ZCWPW1: variants seen among roughly 807,000 people sequenced by gnomAD.
ZCWPW1 encodes the protein zinc finger CW-type PWWP domain protein 1.
In ZCWPW1, 56 loss-of-function variants were observed where a neutral mutation model predicts 81.3. The observed-to-expected ratio is 0.69, with a 90% CI of 0.56 to 0.86. The LOEUF (loss-of-function observed/expected upper bound fraction) is 0.86, where lower values mean the gene tolerates loss of function less well. Among genes scored for constraint, ZCWPW1 ranks in the 40% least tolerant of loss-of-function variants. ZCWPW1 has a pLI of 0.00. For missense variants in ZCWPW1, 650 were observed against 769.8 expected, an observed-to-expected ratio of 0.84 and a Z score of 1.84; for synonymous variants, 250 against 273.7, an observed-to-expected ratio of 0.91 and a Z score of 0.86.
At chr7:100,403,812 TA>T in intron 14 of ZCWPW1, 27 bp from the exon 15 acceptor site, 1 of 1,591,972 alleles carries the variant, frequency 6.3e-7, no homozygotes, top group African/African-American at 1.3e-5. Flanking sequence ...AAGGAAAGGC[TA>T]AATCATTCAT....
rs1793091168 is a variant in ZCWPW1 at position 100,406,753 on chromosome 7, A to C, written c.1114T>G (p.Trp372Gly). 1 of 1,614,050 alleles carries C rather than the reference A, an allele frequency of 6.2e-7. No homozygotes were observed. The highest frequency in any genetic ancestry group is 8.5e-7 in the Non-Finnish European group (1 of 1,180,034). ...TFFGETVSRA[W>G]IPVNMLKNFQ... ...TTCTTTAGCATGTTGACTGGGATCCATGCACGAGAAACTGTTTCTCCAAAA... is the reference window on the plus strand; with the variant it reads ...TTCTTTAGCATGTTGACTGGGATCCCTGCACGAGAAACTGTTTCTCCAAAA... Residue 372 changes from tryptophan (W) to glycine (G), a missense_variant, in exon 12 of 18, where the codon TGG becomes GGG. Trp to Gly is a radical substitution (Grantham distance 184, BLOSUM62 -2). Transcript: ENST00000684423.
chr7:100,407,431 C>T lies in ZCWPW1; in HGVS notation c.993-128G>A, dbSNP rs1486301927. 6.3e-6 allele frequency: 5 copies of T among 799,752 alleles called. No homozygotes were observed. In the East Asian group the frequency reaches 1.4e-4, roughly 22 times the overall value. 49.5% of individuals were successfully genotyped at this position (799,752 alleles called of 1,614,324 possible). A position where few individuals can be genotyped will look rare whatever the true frequency, so the allele number is the denominator to read the frequency against. On this transcript the variant is annotated intron_variant, in intron 10 of 17. Coordinates refer to ENST00000684423, the MANE Select transcript of ZCWPW1 (RefSeq NM_001386010.1). The stretch of plus-strand genomic sequence containing the variant: ...TTTCTGAGACAAGGTCTCACTCTGT[C>T]ACCCAGGCTGGAGTGCAGTGTTACA...
chr7:100,418,236 A>C (rs1201087503), intron 5 of ZCWPW1, among the ~76,000 whole-genome samples: 1 of 152,140 alleles, frequency 6.6e-6, no homozygotes, highest in Non-Finnish European at 1.5e-5. Context: ...CACATGCAAA[A>C]TCGGTATTAG....
intron 3 of ZCWPW1, 83 bp downstream of exon 3, chr7:100,420,539 T>C: frequency 1.9e-6 from 3 of 1,548,654 alleles, no homozygotes; most frequent in Non-Finnish European, 2.7e-6. Flanking sequence ...TAGGGACCCG[T>C]ACCATCCTTT....
intron 3 of ZCWPW1, 119 bp from the exon 4 acceptor site, chr7:100,420,002 A>G: frequency 1.2e-6 from 1 of 834,818 alleles, no homozygotes; most frequent in Non-Finnish European, 1.8e-6. Context: ...ACAAATTCAG[A>G]TTCCTGGGTC....
intron 1 of ZCWPW1, among the ~76,000 whole-genome samples, chr7:100,427,380 C>T (rs372884994): frequency 1.8e-4 from 27 of 149,758 alleles, no homozygotes; most frequent in African/African-American, 5.9e-4. Context: ...CTGGCCAATA[C>T]GGTGAAACCC....
In ZCWPW1 at chr7:100,402,612, A is replaced by T. The variant is rs1792155878; in HGVS notation, c.1414-36T>A. On this transcript the variant is annotated intron_variant, in intron 15 of 17. Transcript: ENST00000684423. ...GAGAGAAAGTTTAAAAAAATGATAA[A>T]TCAAGGCCCCTAACTGTTTTTAATA... 5 of 1,598,710 alleles carry T rather than the reference A, an allele frequency of 3.1e-6. No individual in the cohort carries two copies. The Admixed American group carries it at 6.7e-5, about 21-fold the overall frequency.
Position 100,400,946 on chromosome 7 carries a change from A to G in ZCWPW1, c.*68T>C. 1 of 1,480,540 alleles carries G rather than the reference A, an allele frequency of 6.8e-7. No homozygotes were observed. Among genetic ancestry groups the G allele is most frequent in the South Asian group, 1.3e-5 (1 of 75,018 alleles). The allele number at this position is 1,480,540 out of a possible 1,614,324, so 91.7% of individuals were successfully genotyped here. ...AACCTCATAGCCAATGAACAGACCC[A>G]GCACTTAGCAACTTCTCCCTCCTGC... On this transcript the variant is annotated 3_prime_UTR_variant, in exon 18 of 18. Coordinates refer to ENST00000684423, the MANE Select transcript of ZCWPW1 (RefSeq NM_001386010.1).
At chr7:100,411,773 C>G (rs1406290460) in intron 8 of ZCWPW1, among the ~76,000 whole-genome samples, 1 of 151,876 alleles carries the variant, frequency 6.6e-6, no homozygotes, top group African/African-American at 2.4e-5. Flanking sequence ...AGTGAGTACT[C>G]ATAAGAAAAT....
chr7:100,401,877 C>T lies in ZCWPW1; in HGVS notation c.1627+12G>A. ...TCATTCCCCTTAGTTTTTCCCAGGC[C>T]TTGAGCCTTACCTGGCTGGTCAGAA... On this transcript the variant is annotated intron_variant, in intron 17 of 17. Coordinates refer to ENST00000684423, the MANE Select transcript of ZCWPW1 (RefSeq NM_001386010.1). 1 of 1,605,214 alleles carries T rather than the reference C, an allele frequency of 6.2e-7. No individual in the cohort carries two copies. The highest frequency in any genetic ancestry group is 8.5e-7 in the Non-Finnish European group (1 of 1,175,094).
At chr7:100,411,468 C>T (rs529223824) in intron 8 of ZCWPW1, among the ~76,000 whole-genome samples, 1 of 152,100 alleles carries the variant, frequency 6.6e-6, no homozygotes, top group South Asian at 2.1e-4. Flanking sequence ...AGGGTTTCCC[C>T]ATGTTGCCCA....
chr7:100,402,357 G>A (rs2130333764), intron 16 of ZCWPW1, 159 bp downstream of exon 16: 1 of 899,972 alleles, frequency 1.1e-6, no homozygotes, highest in African/African-American at 1.6e-5. Flanking sequence ...GAGAAGCAAA[G>A]GGGTTCCAGC....
At position 100,412,621 on chromosome 7, in the gene ZCWPW1, G is replaced by A. The variant is rs182808971; in HGVS notation, c.755-3077C>T. On this transcript the variant is annotated intron_variant, in intron 8 of 17. Transcript: ENST00000684423. ...TTTTGAGACGGAGTCTCGCTCTGTC[G>A]CCCAGGCTGGAGTGCAGTGGCACGA... 4.5e-3 allele frequency among the ~76,000 whole-genome samples: 684 copies of A among 150,684 alleles called. 5 individuals carry two copies. The highest frequency in any genetic ancestry group is 6.5e-3 in the Non-Finnish European group (439 of 67,796).
At chr7:100,405,123 A>G (rs749918723) in intron 12 of ZCWPW1, 30 bp from the exon 13 acceptor site, 9 of 1,602,916 alleles carry the variant, frequency 5.6e-6, no homozygotes, top group Non-Finnish European at 7.7e-6. Flanking sequence ...CCAATGATAA[A>G]TATTGACTTA....
chr7:100,406,648 GA>G, intron 12 of ZCWPW1, 45 bp downstream of exon 12: 3 of 1,547,610 alleles, frequency 1.9e-6, no homozygotes, highest in Non-Finnish European at 2.7e-6. Flanking sequence ...AGAAAAGGAA[GA>G]TTTTGTTTTC....
Position 100,404,308 on chromosome 7 carries a change from T to C in ZCWPW1, c.1255-64A>G. 3 of 1,419,892 alleles carry C rather than the reference T, an allele frequency of 2.1e-6. No individual in the cohort carries two copies. The Admixed American group carries it at 5.7e-5, about 27-fold the overall frequency. The allele number at this position is 1,419,892 out of a possible 1,614,324, so 88.0% of individuals were successfully genotyped here. ...TTTCAGGCGCAGCTTTTGCCTTCTG[T>C]CTTCTGGAATTTAGTTATGATGAAA... On this transcript the variant is annotated intron_variant, in intron 13 of 17. Coordinates refer to ENST00000684423, the MANE Select transcript of ZCWPW1 (RefSeq NM_001386010.1).
intron 11 of ZCWPW1, 85 bp from the exon 12 acceptor site, chr7:100,406,883 A>G: frequency 7.9e-7 from 1 of 1,262,382 alleles, no homozygotes; most frequent in East Asian, 2.4e-5. Context: ...GAGAATGGGA[A>G]TTCACCCAGA....
chr7:100,402,393 T>C, intron 16 of ZCWPW1, 123 bp downstream of exon 16: 2 of 1,072,314 alleles, frequency 1.9e-6, no homozygotes, highest in Non-Finnish European at 2.9e-6. Flanking sequence ...GGGTGAGTGT[T>C]GCCTGTTTTC....
intron 9 of ZCWPW1, among the ~76,000 whole-genome samples, chr7:100,408,940 C>T (rs1457773127): frequency 6.6e-6 from 1 of 152,062 alleles, no homozygotes; most frequent in Non-Finnish European, 1.5e-5. Flanking sequence ...GCTTGCATGC[C>T]CGCGTGTCTG....
Sources: allele counts gnomAD v4.1 joint callset (sites outside exome capture counted in the v4.1 genomes callset), GRCh38; gene constraint gnomAD v4.1.1; transcripts MANE v1.5; gene names NCBI Gene and HGNC (gene_info 2026-07-23, HGNC 2026-07-21).